Variants in ZBTB44 observed in about 807,000 individuals in gnomAD.
ZBTB44 encodes zinc finger and BTB domain-containing protein 44.
In ZBTB44, 15 loss-of-function variants were observed where a neutral mutation model predicts 54.0. The ratio of observed to expected loss-of-function variants is 0.28; its 90% CI spans 0.19 to 0.43. ZBTB44 has a LOEUF of 0.43. Among genes scored for constraint, ZBTB44 ranks in the 20% least tolerant of loss-of-function variants. The pLI, the probability that ZBTB44 is intolerant of heterozygous loss-of-function variation, is 1.00. For missense variants in ZBTB44, 487 were observed against 707.1 expected (o/e 0.69, Z 3.53); for synonymous variants, 230 against 250.1 (o/e 0.92, Z 0.76).
intron 1 of ZBTB44, among the ~76,000 whole-genome samples, chr11:130,282,408 C>T (rs1049915016): frequency 6.6e-6 from 1 of 152,204 alleles, no homozygotes; most frequent in Non-Finnish European, 1.5e-5. Flanking sequence ...ATATTTGTTT[C>T]TGGCTTATTT....
intron 1 of ZBTB44, among the ~76,000 whole-genome samples, chr11:130,279,644 G>A (rs955466387): frequency 2.7e-5 from 4 of 150,272 alleles, no homozygotes; most frequent in African/African-American, 5.0e-5. Context: ...GGACAACAGA[G>A]CGAGACTCTG....
chr11:130,249,337 T>G (rs1937799511), intron 2 of ZBTB44, among the ~76,000 whole-genome samples: 1 of 152,192 alleles, frequency 6.6e-6, no homozygotes, highest in Non-Finnish European at 1.5e-5. Context: ...TAGTAAAAAC[T>G]TGGTTGTATC....
chr11:130,237,069 C>T lies in ZBTB44; in HGVS notation c.1292G>A (p.Arg431His), dbSNP rs1954137057. 12 of 1,587,130 alleles carry T rather than the reference C, an allele frequency of 7.6e-6. No individual in the cohort carries two copies. The highest frequency in any genetic ancestry group is 9.4e-6 in the Non-Finnish European group (11 of 1,167,110). The change falls in exon 5 of 8, where the codon CGC (arginine) becomes CAC (histidine). Residue 431 changes from arginine (R) to histidine (H), a missense_variant. Arg to His is a conservative substitution (Grantham distance 29). Around this residue, in one of 3 missense-constraint regions of ZBTB44, gnomAD observed 120 missense variants for 240.3 expected, o/e 0.50. Transcript: ENST00000357899. ...AGCCCTGGTGAACTTTTTCCCACAGCGGTCACACTGAAATGGTTTAATTCC... is the reference window on the plus strand; with the variant it reads ...AGCCCTGGTGAACTTTTTCCCACAGTGGTCACACTGAAATGGTTTAATTCC... ...HSGIKPFQCD[R>H]CGKKFTRAYS...
chr11:130,243,876 C>T (rs568876595), intron 2 of ZBTB44, among the ~76,000 whole-genome samples: 20 of 152,148 alleles, frequency 1.3e-4, no homozygotes, highest in Admixed American at 6.5e-4. Flanking sequence ...CAATCAGGAA[C>T]GTGTTACAAT....
intron 1 of ZBTB44, among the ~76,000 whole-genome samples, chr11:130,305,521 C>G (rs1942219513): frequency 6.6e-6 from 1 of 152,114 alleles, no homozygotes; most frequent in Non-Finnish European, 1.5e-5. Context: ...ACACCCTATT[C>G]AACAAACAGT....
intron 4 of ZBTB44, 35 bp downstream of exon 4, chr11:130,238,409 G>C: frequency 6.4e-7 from 1 of 1,566,180 alleles, no homozygotes. Flanking sequence ...GTTTTAGAGC[G>C]TTCACTTACG....
At chr11:130,278,662 T>C (rs1285418708) in intron 1 of ZBTB44, among the ~76,000 whole-genome samples, 2 of 152,208 alleles carry the variant, frequency 1.3e-5, no homozygotes, top group African/African-American at 2.4e-5. Flanking sequence ...ATAATTTCTA[T>C]TGATCTATGT....
At chr11:130,287,670 CAT>C (rs1288728011) in intron 1 of ZBTB44, among the ~76,000 whole-genome samples, 1 of 152,098 alleles carries the variant, frequency 6.6e-6, no homozygotes, top group Non-Finnish European at 1.5e-5. Flanking sequence ...GATATACCTA[CAT>C]GATAACTGAT....
chr11:130,245,356 G>T (rs761378270), intron 2 of ZBTB44, among the ~76,000 whole-genome samples: 7 of 152,162 alleles, frequency 4.6e-5, no homozygotes, highest in Admixed American at 3.3e-4. Flanking sequence ...CTGTTTACTT[G>T]TCAGTATCTT....
chr11:130,278,330 C>T (rs191488945), intron 1 of ZBTB44, among the ~76,000 whole-genome samples: 1 of 152,100 alleles, frequency 6.6e-6, no homozygotes, highest in African/African-American at 2.4e-5. Flanking sequence ...TTATTGAATA[C>T]CACATTGAAA....
rs1179234620 is a variant in ZBTB44, at chr11:130,226,835, T to TAAAG, written c.*4925_*4928dup. ...TGTGACCATGTAATAAAGGCCAGTT[T>TAAAG]AAAGATTTTTTTTTTAAAAAAAGTT... On this transcript the variant is annotated 3_prime_UTR_variant, in exon 8 of 8. Transcript: ENST00000357899. 3 of 151,674 alleles carry TAAAG rather than the reference T, an allele frequency of 2.0e-5. No homozygotes were observed. The highest frequency in any genetic ancestry group is 4.4e-5 in the Non-Finnish European group (3 of 67,946). The allele number at this position is 151,674 out of a possible 1,614,324, so 9.4% of individuals were successfully genotyped here. A position where few individuals can be genotyped will look rare whatever the true frequency, so the allele number is the denominator to read the frequency against.
rs568043687 is a variant in ZBTB44 at position 130,228,079 on chromosome 11, T to G, written c.*3685A>C. The G allele has an allele frequency of 6.6e-5, 10 of 152,182 alleles. No homozygotes were observed. The allele number at this position is 152,182 out of a possible 1,614,324, so 9.4% of individuals were successfully genotyped here. ...AGAGGCACAAAGAAGCCATATACTA[T>G]CCTCCAAGTTGGACATAAGGTGCCA... On this transcript the variant is annotated 3_prime_UTR_variant, in exon 8 of 8. Coordinates refer to ENST00000357899, the MANE Select transcript of ZBTB44 (RefSeq NM_001301098.2).
chr11:130,238,600 T>A lies in ZBTB44; in HGVS notation c.1111A>T (p.Asn371Tyr). ...TAGAGTTGGTAGGGATACTGAACAT[T>A]TTCCAATCTAAAAAAAACAGACCAA... The part of the protein sequence containing the change: ...APPDDDDRLE[N>Y]VQYPYQLYIA... Residue 371 changes from asparagine to tyrosine, a missense_variant, in exon 4 of 8, where the codon AAT becomes TAT. By Grantham distance (143) the Asn-to-Tyr change is moderately radical. Around this residue, in one of 3 missense-constraint regions of ZBTB44, gnomAD observed 277 missense variants for 306.5 expected, o/e 0.90. Coordinates refer to ENST00000357899, the MANE Select transcript of ZBTB44 (RefSeq NM_001301098.2). 6.2e-7 allele frequency: 1 copy of A among 1,610,188 alleles called. No individual in the cohort carries two copies. Among genetic ancestry groups the A allele is most frequent in the Non-Finnish European group, 8.5e-7 (1 of 1,178,576 alleles).
At position 130,260,974 on chromosome 11, in the gene ZBTB44, A is replaced by C. The variant is rs1357391645; in HGVS notation, c.900T>G (p.His300Gln). ...CACTGACAGGCTGGGACACTTCCTC[A>C]TGGACCTCCTCATCACTTAATCTTT... ...KVERLSDEEV[H>Q]EEVSQPVSAS... Residue 300 changes from histidine to glutamine, a missense_variant, in exon 2 of 8, where the codon CAT becomes CAG. By Grantham distance (24) the His-to-Gln change is conservative. Coordinates refer to ENST00000357899, the MANE Select transcript of ZBTB44 (RefSeq NM_001301098.2). 2 of 1,614,000 alleles carry C rather than the reference A, an allele frequency of 1.2e-6. No individual in the cohort carries two copies. The highest frequency in any genetic ancestry group is 1.7e-6 in the Non-Finnish European group (2 of 1,179,890).
intron 1 of ZBTB44, chr11:130,296,052 T>C: frequency 6.3e-7 from 1 of 1,584,360 alleles, no homozygotes; most frequent in African/African-American, 1.3e-5. Context: ...TTGATGAAGC[T>C]GATCGTATCT....
At chr11:130,311,927 T>C (rs1425557432) in intron 1 of ZBTB44, among the ~76,000 whole-genome samples, 1 of 152,076 alleles carries the variant, frequency 6.6e-6, no homozygotes, top group Non-Finnish European at 1.5e-5. Context: ...TGGGACAATT[T>C]GGTCATTAAA....
intron 1 of ZBTB44, among the ~76,000 whole-genome samples, chr11:130,303,276 T>C (rs1942081252): frequency 6.6e-6 from 1 of 152,204 alleles, no homozygotes; most frequent in Admixed American, 6.5e-5. Context: ...AAGATGTTTG[T>C]AGTTATGCTG....
At chr11:130,296,020 A>G in intron 1 of ZBTB44, 1 of 1,575,668 alleles carries the variant, frequency 6.3e-7, no homozygotes, top group Non-Finnish European at 8.7e-7. Flanking sequence ...GTTTATGTAT[A>G]AAAACCTGCA....
At chr11:130,233,044 A>G (rs1185422360) in intron 7 of ZBTB44, 1 of 370,318 alleles carries the variant, frequency 2.7e-6, no homozygotes, top group Middle Eastern at 7.3e-4. Context: ...GCCTCAATAG[A>G]GAATTATTTA....
Sources: allele counts gnomAD v4.1 joint callset (sites outside exome capture counted in the v4.1 genomes callset), GRCh38; gene constraint gnomAD v4.1.1; regional missense constraint gnomAD v4.1.1; transcripts MANE v1.5; gene names NCBI Gene and HGNC (gene_info 2026-07-23, HGNC 2026-07-21).